The following PARVG variants were observed in gnomAD, a reference collection of about 807,000 sequenced individuals.
The protein encoded by PARVG is gamma-parvin.
Under a neutral mutation model 44.4 loss-of-function variants are expected in PARVG, and 36 were observed. That is an observed-to-expected ratio of 0.81 (90% CI 0.62 to 1.07). The LOEUF is 1.07. PARVG is among the 50% of genes least tolerant of loss of function. PARVG has a pLI of 0.00. For missense variants in PARVG, 407 were observed against 407.4 expected, an observed-to-expected ratio of 1.00 and a Z score of 0.01; for synonymous variants, 170 against 174.1, an observed-to-expected ratio of 0.98 and a Z score of 0.19.
At chr22:44,191,081 G>A (rs546361265) in intron 7 of PARVG, among the ~76,000 whole-genome samples, 21 of 152,334 alleles carry the variant, frequency 1.4e-4, no homozygotes, top group East Asian at 3.9e-4. Context: ...TGAGATTACC[G>A]ATGGCTGTGA....
At chr22:44,185,994 C>T in intron 4 of PARVG, 122 bp downstream of exon 4, 1 of 726,478 alleles carries the variant, frequency 1.4e-6, no homozygotes, top group South Asian at 1.6e-5. Context: ...GGGGTGGCGA[C>T]CCCCGAAGAC....
intron 7 of PARVG, among the ~76,000 whole-genome samples, chr22:44,191,695 G>A (rs1438194606): frequency 2.0e-5 from 3 of 152,076 alleles, no homozygotes; most frequent in Non-Finnish European, 4.4e-5. Context: ...CACCACACCC[G>A]GCTTTCTACT....
chr22:44,182,257 A>G lies in PARVG; in HGVS notation c.-13+340A>G, dbSNP rs2054393342. ...AGCATCGAGTCCAGGCCCTCCTTGT[A>G]ACCATGCATCAGGACCAGAGAGGGC... On this transcript the variant is annotated intron_variant, in intron 2 of 13. Coordinates refer to ENST00000444313, the MANE Select transcript of PARVG (RefSeq NM_022141.7). This position sits in a 1 kb window ranked among gnomAD's most constrained non-coding sequence, Gnocchi z 4.6. Among the ~76,000 whole-genome samples the G allele has an allele frequency of 6.6e-6, 1 of 152,152 alleles. No homozygotes were observed. The highest frequency in any genetic ancestry group is 2.4e-5 in the African/African-American group (1 of 41,432).
intron 4 of PARVG, 71 bp from the exon 5 acceptor site, chr22:44,187,705 A>C (rs2054492615): frequency 6.8e-7 from 1 of 1,463,018 alleles, no homozygotes; most frequent in African/African-American, 1.4e-5. Context: ...AGAGGCAGGC[A>C]TTCTGAGCCA....
intron 7 of PARVG, among the ~76,000 whole-genome samples, chr22:44,191,543 T>C (rs1242617282): frequency 1.3e-5 from 2 of 151,764 alleles, no homozygotes; most frequent in East Asian, 3.9e-4. Context: ...GACTACAGAT[T>C]TGAGACACTG....
intron 6 of PARVG, 95 bp downstream of exon 6, chr22:44,189,349 C>T (rs1267123269): frequency 5.3e-6 from 8 of 1,514,256 alleles, no homozygotes; most frequent in East Asian, 2.5e-5. Flanking sequence ...GCGCACTCAT[C>T]CTTCTCCCAG....
At chr22:44,181,721 C>A (rs546175946) in intron 1 of PARVG, 21 bp from the exon 2 acceptor site, 10 of 985,360 alleles carry the variant, frequency 1.0e-5, no homozygotes. Flanking sequence ...CGGCATCCAC[C>A]CCCCTCGGGC....
At chr22:44,187,680 A>C in intron 4 of PARVG, 96 bp from the exon 5 acceptor site, 1 of 1,082,204 alleles carries the variant, frequency 9.2e-7, no homozygotes, top group Non-Finnish European at 1.4e-6. Context: ...AAAGATGGGT[A>C]GGAGTTGGCA....
chr22:44,200,713 C>A (rs914132220), intron 12 of PARVG, among the ~76,000 whole-genome samples: 1 of 152,196 alleles, frequency 6.6e-6, no homozygotes, highest in Non-Finnish European at 1.5e-5. Flanking sequence ...GGGCCAGCCT[C>A]TGGGGCTGTT....
intron 1 of PARVG, among the ~76,000 whole-genome samples, chr22:44,175,295 G>A (rs1056566083): frequency 2.6e-5 from 4 of 152,314 alleles, no homozygotes; most frequent in Admixed American, 2.0e-4. Context: ...CAGTCTCTGG[G>A]GGAACTGACA....
chr22:44,188,948 T>A (rs182286192), intron 5 of PARVG, 166 bp from the exon 6 acceptor site: 10 of 795,934 alleles, frequency 1.3e-5, no homozygotes, highest in African/African-American at 7.0e-5. Flanking sequence ...CTGGAGGGCA[T>A]ACCCGATTGA....
upstream of PARVG, among the ~76,000 whole-genome samples, chr22:44,177,482 C>T (rs957033412): frequency 1.3e-5 from 2 of 152,156 alleles, no homozygotes; most frequent in Non-Finnish European, 2.9e-5. Flanking sequence ...TGAGTTGTCC[C>T]ATCTCTCCAG....
At chr22:44,198,925 C>CCCAA (rs1569186384) in intron 12 of PARVG, among the ~76,000 whole-genome samples, 1 of 46,248 alleles carries the variant, frequency 2.2e-5, no homozygotes. Context: ...CATCCATCTA[C>CCCAA]CCATCCATCC....
At position 44,181,917 on chromosome 22, in the gene PARVG, G is replaced by A; in HGVS notation, c.-13G>A. On this transcript the variant is annotated splice_region_variant and 5_prime_UTR_variant, in exon 2 of 14. Coordinates refer to ENST00000444313, the MANE Select transcript of PARVG (RefSeq NM_022141.7). Reference sequence around the variant, plus strand: ...TGTTTTCCTGCGTGGAAAGCGGTTGGGTGAGTTCTGGCATCGGGGCCACCA... The same window carrying A: ...TGTTTTCCTGCGTGGAAAGCGGTTGAGTGAGTTCTGGCATCGGGGCCACCA... 1 of 985,620 alleles carries A rather than the reference G, an allele frequency of 1.0e-6. No homozygotes were observed. Among genetic ancestry groups the A allele is most frequent in the Non-Finnish European group, 1.2e-6 (1 of 830,080 alleles). 61.1% of individuals were successfully genotyped at this position (985,620 alleles called of 1,614,324 possible).
At chr22:44,185,692 T>G in intron 3 of PARVG, 116 bp from the exon 4 acceptor site, 1 of 795,704 alleles carries the variant, frequency 1.3e-6, no homozygotes, top group Middle Eastern at 2.5e-4. Context: ...GGGGCGGAAG[T>G]GGCAGGACCG....
chr22:44,183,549 T>G (rs2054418153), intron 3 of PARVG, 141 bp downstream of exon 3: 1 of 720,180 alleles, frequency 1.4e-6, no homozygotes, highest in South Asian at 2.2e-5. Flanking sequence ...CACCTTCTGC[T>G]TTATGCTTGA....
chr22:44,208,340 A>G lies in PARVG; in HGVS notation c.*1914A>G, dbSNP rs995620545. The G allele has an allele frequency of 6.6e-6, 1 of 152,232 alleles. No homozygotes were observed. Among genetic ancestry groups the G allele is most frequent in the Non-Finnish European group, 1.5e-5 (1 of 68,044 alleles). The allele number at this position is 152,232 out of a possible 1,614,324, so 9.4% of individuals were successfully genotyped here. ...CCAGACATGGGACATTCCCATCACC[A>G]TGCAAGTTTCTGCATCTGTCTGCAG... On this transcript the variant is annotated 3_prime_UTR_variant, in exon 14 of 14. Transcript: ENST00000444313.
At chr22:44,178,906 T>A (rs2054342695), upstream of PARVG, among the ~76,000 whole-genome samples, 1 of 152,230 alleles carries the variant, frequency 6.6e-6, no homozygotes, top group Non-Finnish European at 1.5e-5. Context: ...TGGTACTGTG[T>A]TATGCAGGAG....
chr22:44,172,995 A>G (rs767174340), exon 1 of PARVG: 1 of 1,289,554 alleles, frequency 7.8e-7, no homozygotes, highest in Non-Finnish European at 1.0e-6. Context: ...TGCATTTAGC[A>G]GTCATGGATG....
Sources: gnomAD v4.1 joint callset for allele counts (sites outside exome capture counted in the v4.1 genomes callset) on GRCh38, gnomAD v4.1.1 for gene constraint, Gnocchi (gnomAD v3.1) non-coding constraint, MANE v1.5 for transcripts, NCBI Gene and HGNC (gene_info 2026-07-23, HGNC 2026-07-21) for gene names.